GPATCH8: variants seen among roughly 807,000 people sequenced by gnomAD.
GPATCH8 encodes G-patch domain containing 8.
Under a neutral mutation model 118.3 loss-of-function variants are expected in GPATCH8, and 18 were observed. That is an observed-to-expected ratio of 0.15 (90% CI 0.11 to 0.23). GPATCH8 has a LOEUF of 0.23. GPATCH8 is among the 10% of genes least tolerant of loss of function. The pLI, the probability that GPATCH8 is intolerant of heterozygous loss-of-function variation, is 1.00. For missense variants in GPATCH8, 1,631 were observed against 1,873.8 expected (o/e 0.87, Z 2.39); for synonymous variants, 659 against 684.7 (o/e 0.96, Z 0.59).
chr17:44,432,839 AT>A (rs2050368059), intron 5 of GPATCH8, among the ~76,000 whole-genome samples: 1 of 152,124 alleles, frequency 6.6e-6, no homozygotes, highest in Admixed American at 6.6e-5. Flanking sequence ...CGGAGTAAAT[AT>A]TTTGATCAAT....
chr17:44,496,376 A>G (rs1393272794), intron 1 of GPATCH8, among the ~76,000 whole-genome samples: 2 of 152,214 alleles, frequency 1.3e-5, no homozygotes, highest in African/African-American at 2.4e-5. Flanking sequence ...ACTTTTTTCT[A>G]TTACAACTTT....
intron 6 of GPATCH8, among the ~76,000 whole-genome samples, chr17:44,416,894 G>C (rs142509695): frequency 2.0e-5 from 3 of 152,258 alleles, no homozygotes; most frequent in African/African-American, 4.8e-5. Context: ...ACAGACCTTG[G>C]AATTAAATAA....
rs746211301 is a variant in GPATCH8 at position 44,399,043 on chromosome 17, G to A, written c.3034C>T (p.His1012Tyr). ...GAATGCCTCTCCTCAGGGCTCTCGT[G>A]ACCCCATGATCTCTTCCTGGAGCCT... ...RSGSRKRSWG[H>Y]ESPEERHSGR... is the part of the protein sequence containing the mutation. Residue 1012 changes from histidine to tyrosine, a missense_variant, in exon 8 of 8, where the codon CAC becomes TAC. This residue lies in a region of GPATCH8 where 922 missense variants were observed against 879.7 expected (regional missense o/e 1.05). Coordinates refer to ENST00000591680, the MANE Select transcript of GPATCH8 (RefSeq NM_001002909.4). The A allele has an allele frequency of 1.2e-6, 2 of 1,614,102 alleles. No homozygotes were observed. Among genetic ancestry groups the A allele is most frequent in the Admixed American group, 1.7e-5 (1 of 60,022 alleles).
chr17:44,430,574 A>G (rs879205201), intron 5 of GPATCH8, among the ~76,000 whole-genome samples: 1 of 152,152 alleles, frequency 6.6e-6, no homozygotes, highest in African/African-American at 2.4e-5. Flanking sequence ...CCCCCAGCTA[A>G]CATCATAATG....
chr17:44,448,784 A>T (rs1358635440), intron 3 of GPATCH8, among the ~76,000 whole-genome samples: 2 of 152,198 alleles, frequency 1.3e-5, no homozygotes, highest in East Asian at 3.9e-4. Flanking sequence ...TATAAAAAAA[A>T]AAAAATAAAC....
rs2049700611 is a variant in GPATCH8 at position 44,416,732 on chromosome 17, C to T, written c.492+7617G>A. 2.6e-5 allele frequency among the ~76,000 whole-genome samples: 4 copies of T among 152,140 alleles called. No individual in the cohort carries two copies. The South Asian group carries it at 8.3e-4, about 32-fold the overall frequency. Reference sequence around the variant, plus strand: ...AAGTAATCCTGTCAAAAAGCAGTTGCAAACAATTTAGACAAAGTTAATTAA... The same window carrying T: ...AAGTAATCCTGTCAAAAAGCAGTTGTAAACAATTTAGACAAAGTTAATTAA... On this transcript the variant is annotated intron_variant, in intron 6 of 7. Coordinates refer to ENST00000591680, the MANE Select transcript of GPATCH8 (RefSeq NM_001002909.4).
At chr17:44,432,830 G>A (rs867658624) in intron 5 of GPATCH8, among the ~76,000 whole-genome samples, 4 of 151,998 alleles carry the variant, frequency 2.6e-5, no homozygotes, top group East Asian at 3.9e-4. Context: ...ACAGGGTTTC[G>A]GAGTAAATAT....
At chr17:44,464,696 G>A in intron 2 of GPATCH8, 152 bp from the exon 3 acceptor site, 2 of 668,968 alleles carry the variant, frequency 3.0e-6, no homozygotes, top group Non-Finnish European at 5.4e-6. Flanking sequence ...CCCAATAAGA[G>A]GGACATTAAT....
intron 1 of GPATCH8, among the ~76,000 whole-genome samples, chr17:44,485,955 T>G (rs1968743898): frequency 6.6e-6 from 1 of 152,178 alleles, no homozygotes. Flanking sequence ...GGGGCAGTGG[T>G]GCAATCACAG....
At chr17:44,415,207 A>G (rs1363155134) in intron 6 of GPATCH8, among the ~76,000 whole-genome samples, 1 of 152,196 alleles carries the variant, frequency 6.6e-6, no homozygotes, top group African/African-American at 2.4e-5. Context: ...ATCTTCTCCA[A>G]CACTTTGTTA....
intron 3 of GPATCH8, among the ~76,000 whole-genome samples, chr17:44,457,130 T>C (rs925602057): frequency 6.6e-6 from 1 of 152,162 alleles, no homozygotes; most frequent in Admixed American, 6.6e-5. Context: ...CCCAAAGTGC[T>C]GGGATTACAG....
Position 44,400,862 on chromosome 17 carries a change from T to C in GPATCH8, c.1215A>G (p.Lys405=). Reference sequence around the variant, plus strand: ...TAAAAAGTAGAAAGGGAAAATTAGGTTTTACTTTGCAGTGTGCTGGGGGGA... The same window carrying C: ...TAAAAAGTAGAAAGGGAAAATTAGGCTTTACTTTGCAGTGTGCTGGGGGGA... ...HYIPPAHCKV[K]PNFPFLLFMR... The change falls in exon 8 of 8, where the codon AAA becomes AAG. Residue 405 remains lysine, a synonymous_variant. Transcript: ENST00000591680. The C allele has an allele frequency of 6.2e-7, 1 of 1,613,966 alleles. No individual in the cohort carries two copies. Among genetic ancestry groups the C allele is most frequent in the Non-Finnish European group, 8.5e-7 (1 of 1,179,862 alleles).
At chr17:44,467,230 G>A (rs937989164) in intron 2 of GPATCH8, 2 of 382,570 alleles carry the variant, frequency 5.2e-6, no homozygotes, top group South Asian at 1.9e-5. Context: ...ATTTATTAAA[G>A]AGTGAAAGCA....
chr17:44,473,829 C>CACACACA (rs1967506947), intron 2 of GPATCH8: 1 of 152,180 alleles, frequency 6.6e-6, no homozygotes, highest in South Asian at 2.1e-4. Context: ...CACATACAAA[C>CACACACA]ACACACAACA....
intron 1 of GPATCH8, among the ~76,000 whole-genome samples, chr17:44,497,427 A>G (rs1396749487): frequency 1.3e-5 from 2 of 150,778 alleles, no homozygotes; most frequent in Admixed American, 1.3e-4. Flanking sequence ...CCATCTCTAC[A>G]AAAATGAAAA....
At chr17:44,497,143 A>T (rs961378849) in intron 1 of GPATCH8, among the ~76,000 whole-genome samples, 1 of 152,254 alleles carries the variant, frequency 6.6e-6, no homozygotes, top group African/African-American at 2.4e-5. Flanking sequence ...GAATTTTAAT[A>T]GAACTCACGA....
intron 1 of GPATCH8, among the ~76,000 whole-genome samples, chr17:44,479,915 C>T (rs554745337): frequency 1.3e-5 from 2 of 150,918 alleles, no homozygotes; most frequent in Admixed American, 6.6e-5. Context: ...TGCAGTGAGC[C>T]GAGACTGCGC....
chr17:44,495,462 G>C (rs749852655), intron 1 of GPATCH8, among the ~76,000 whole-genome samples: 7 of 152,102 alleles, frequency 4.6e-5, no homozygotes, highest in Non-Finnish European at 1.0e-4. Flanking sequence ...TGATAATCAT[G>C]CTGGTCTTAT....
At chr17:44,411,304 T>C (rs895570018) in intron 6 of GPATCH8, among the ~76,000 whole-genome samples, 1 of 152,222 alleles carries the variant, frequency 6.6e-6, no homozygotes, top group Non-Finnish European at 1.5e-5. Context: ...TCAACTGTGA[T>C]TGAGTTGAGT....
Sources: gnomAD v4.1 joint callset for allele counts (sites outside exome capture counted in the v4.1 genomes callset) on GRCh38, gnomAD v4.1.1 for gene constraint, gnomAD v4.1.1 regional missense constraint, MANE v1.5 for transcripts, NCBI Gene and HGNC (gene_info 2026-07-23, HGNC 2026-07-21) for gene names.